The following MACF1 variants were observed in gnomAD, a reference collection of about 807,000 sequenced individuals.
The protein encoded by MACF1 is microtubule-actin cross-linking factor 1.
A neutral mutation model predicts 854.8 loss-of-function variants in MACF1; 193 were observed. That is an observed-to-expected ratio of 0.23 (90% CI 0.20 to 0.25). The LOEUF (loss-of-function observed/expected upper bound fraction) is 0.25, where lower values mean the gene tolerates loss of function less well. Among genes scored for constraint, MACF1 ranks in the 10% least tolerant of loss-of-function variants. The pLI is 1.00. For synonymous variants in MACF1, 3,185 were observed against 3,226.7 expected, an observed-to-expected ratio of 0.99 and a Z score of 0.44; for missense variants, 7,722 against 8,929.1, an observed-to-expected ratio of 0.86 and a Z score of 5.45.
chr1:39,378,852 T>C (rs1258845161), intron 53 of MACF1, among the ~76,000 whole-genome samples: 2 of 152,198 alleles, frequency 1.3e-5, no homozygotes, highest in Admixed American at 6.5e-5. Context: ...GCCTCCCAGC[T>C]AGGTGACTTC....
chr1:39,352,770 C>G (rs993556213), intron 43 of MACF1, among the ~76,000 whole-genome samples: 1 of 150,228 alleles, frequency 6.7e-6, no homozygotes, highest in East Asian at 1.9e-4. Context: ...GCCACTGTGT[C>G]CTGCCTCTTT....
intron 4 of MACF1, 94 bp from the exon 5 acceptor site, chr1:39,254,204 G>A: frequency 9.7e-7 from 1 of 1,028,528 alleles, no homozygotes; most frequent in South Asian, 1.4e-5. Context: ...AGGAATTCTT[G>A]TGTGGTCCTT....
chr1:39,143,342 T>G (rs1337194320), intron 2 of MACF1, among the ~76,000 whole-genome samples: 1 of 152,202 alleles, frequency 6.6e-6, no homozygotes, highest in East Asian at 1.9e-4. Context: ...AGATACACTT[T>G]CTGGTGGCAA....
intron 44 of MACF1, among the ~76,000 whole-genome samples, chr1:39,355,275 C>T (rs1307150730): frequency 1.3e-5 from 2 of 152,102 alleles, no homozygotes; most frequent in South Asian, 4.1e-4. Flanking sequence ...CTTTTGCTGG[C>T]AGCAGTCAAC....
At position 39,333,302 on chromosome 1, in the gene MACF1, T is replaced by C; in HGVS notation, c.6714T>C (p.Asp2238=). 6.2e-7 allele frequency: 1 copy of C among 1,614,140 alleles called. No individual in the cohort carries two copies. The highest frequency in any genetic ancestry group is 8.5e-7 in the Non-Finnish European group (1 of 1,180,042). The change falls in exon 37 of 101, where the codon GAT becomes GAC. Residue 2238 remains aspartate (D), a synonymous_variant. Transcript: ENST00000564288. The stretch of plus-strand genomic sequence containing the variant: ...TAAAGAAAACATTTCTGGCTAAGGA[T>C]GACCATAAAGAAAGTCAAGAAGCAC... ...EMLKKTFLAK[D]DHKESQEAQN... is the part of the protein sequence containing the mutation.
intron 1 of MACF1, among the ~76,000 whole-genome samples, chr1:39,226,834 T>TA (rs1270315571): frequency 1.1e-4 from 17 of 151,896 alleles, no homozygotes; most frequent in African/African-American, 2.4e-4. Context: ...ATAGCTTTTA[T>TA]AAAAAAAAGA....
intron 2 of MACF1, among the ~76,000 whole-genome samples, chr1:39,119,983 A>C (rs937931675): frequency 1.6e-4 from 24 of 148,572 alleles, no homozygotes; most frequent in African/African-American, 5.7e-4. Context: ...TCCCAGGTTC[A>C]AGCGATTCTA....
At chr1:39,313,973 T>C (rs1646355261) in intron 26 of MACF1, among the ~76,000 whole-genome samples, 1 of 152,180 alleles carries the variant, frequency 6.6e-6, no homozygotes, top group South Asian at 2.1e-4. Flanking sequence ...TTTTCCAGTC[T>C]CAACCCTGGA....
At chr1:39,240,517 A>G (rs1644909190) in intron 2 of MACF1, among the ~76,000 whole-genome samples, 1 of 152,138 alleles carries the variant, frequency 6.6e-6, no homozygotes, top group South Asian at 2.1e-4. Context: ...TATTTTTTTA[A>G]GATGGAGTTT....
intron 33 of MACF1, 46 bp downstream of exon 33, chr1:39,323,054 A>T: frequency 6.4e-7 from 1 of 1,567,606 alleles, no homozygotes; most frequent in Non-Finnish European, 8.8e-7. Context: ...ACAGTAAAAC[A>T]TCTTAGCCAG....
At position 39,271,547 on chromosome 1, in the gene MACF1, T is replaced by C. The variant is rs573441162; in HGVS notation, c.529-10661T>C. On this transcript the variant is annotated intron_variant, in intron 6 of 100. Transcript: ENST00000564288. ...TTGGTAGGGACACAGATTGAAACCA[T>C]ATCAACAAGTATTTGGGTTTCATCA... 2.0e-5 allele frequency among the ~76,000 whole-genome samples: 3 copies of C among 152,286 alleles called. No homozygotes were observed. In the East Asian group the frequency reaches 5.8e-4, roughly 29 times the overall value.
At chr1:39,112,326 T>C (rs1642432284) in intron 2 of MACF1, among the ~76,000 whole-genome samples, 1 of 152,120 alleles carries the variant, frequency 6.6e-6, no homozygotes, top group Admixed American at 6.6e-5. Flanking sequence ...CTTTGTGATC[T>C]GCCCTCCTCG....
At chr1:39,354,172 T>C (rs1647324256) in intron 44 of MACF1, among the ~76,000 whole-genome samples, 1 of 152,176 alleles carries the variant, frequency 6.6e-6, no homozygotes, top group South Asian at 2.1e-4. Flanking sequence ...TCCTTTCAGT[T>C]TATTGGCTAA....
In MACF1 at chr1:39,372,580, T is replaced by A. The variant is rs368920409; in HGVS notation, c.13197T>A (p.Asp4399Glu). The A allele has an allele frequency of 2.7e-5, 43 of 1,611,284 alleles. No homozygotes were observed. The highest frequency in any genetic ancestry group is 3.6e-5 in the Non-Finnish European group (42 of 1,177,614). The change falls in exon 52 of 101, where the codon GAT becomes GAA. Residue 4399 changes from aspartate (D) to glutamate (E), a missense_variant. By Grantham distance (45) the Asp-to-Glu change is conservative (BLOSUM62 2). This residue lies in a region of MACF1 where 2,807 missense variants were observed against 3,235.8 expected (regional missense o/e 0.87). Transcript: ENST00000564288. Reference sequence around the variant, plus strand: ...TCATCATGGAAATCACAGCACCTGATTCCCAAGGCAAGACAGGTGAGTACA... The same window carrying A: ...TCATCATGGAAATCACAGCACCTGAATCCCAAGGCAAGACAGGTGAGTACA... ...ENLIMEITAP[D>E]SQGKTGSILP...
chr1:39,304,462 G>A (rs750334657), intron 23 of MACF1: 49 of 1,439,092 alleles, frequency 3.4e-5, no homozygotes, highest in Middle Eastern at 1.8e-4. Flanking sequence ...ATCCAACAGC[G>A]ACTACTGTTG....
At chr1:39,194,695 TC>T (rs1189406729) in intron 2 of MACF1, among the ~76,000 whole-genome samples, 2 of 37,944 alleles carry the variant, frequency 5.3e-5, no homozygotes, top group Admixed American at 2.8e-4. Flanking sequence ...TCCCCTCCCC[TC>T]CCCTCCCTTC....
chr1:39,234,941 A>G (rs1234693166), intron 2 of MACF1, among the ~76,000 whole-genome samples: 4 of 149,902 alleles, frequency 2.7e-5, no homozygotes, highest in Non-Finnish European at 4.4e-5. Flanking sequence ...CACTTCCTAG[A>G]TGTGATGGCG....
Position 39,300,346 on chromosome 1 carries a change from A to G in MACF1, c.2618A>G (p.Asp873Gly). The change falls in exon 22 of 101, where the codon GAC becomes GGC. Residue 873 changes from aspartate (D) to glycine (G), a missense_variant. Physicochemically the swap from Asp to Gly is moderately conservative, Grantham distance 94 (BLOSUM62 -1). Coordinates refer to ENST00000564288, the MANE Select transcript of MACF1 (RefSeq NM_001394062.1). ...KNTISVKAVC[D>G]YRQIEITICK... ...ACCATTTCTGTCAAGGCTGTCTGTG[A>G]CTACAGGCAGATCGAGGTGAGGAGG... 9 of 1,613,986 alleles carry G rather than the reference A, an allele frequency of 5.6e-6. No homozygotes were observed. Among genetic ancestry groups the G allele is most frequent in the Non-Finnish European group, 7.6e-6 (9 of 1,179,980 alleles).
chr1:39,087,365 T>G (rs77826036), intron 2 of MACF1, among the ~76,000 whole-genome samples: 1 of 152,096 alleles, frequency 6.6e-6, no homozygotes, highest in Non-Finnish European at 1.5e-5. Flanking sequence ...CGCCCTTGCT[T>G]GAGAGGCCTG....
Sources: gnomAD v4.1 joint callset for allele counts (sites outside exome capture counted in the v4.1 genomes callset) on GRCh38, gnomAD v4.1.1 for gene constraint, gnomAD v4.1.1 regional missense constraint, MANE v1.5 for transcripts, NCBI Gene and HGNC (gene_info 2026-07-23, HGNC 2026-07-21) for gene names.